Variants in MAML3 observed in about 807,000 individuals in gnomAD.
The protein encoded by MAML3 is mastermind like transcriptional coactivator 3, also known as mastermind-like protein 3.
A neutral mutation model predicts 101.9 loss-of-function variants in MAML3; 27 were observed. The observed-to-expected ratio is 0.27, with a 90% CI of 0.20 to 0.37. MAML3 has a LOEUF of 0.37. MAML3 is among the 10% of genes least tolerant of loss of function. The pLI is 1.00. For synonymous variants in MAML3, 501 were observed against 555.9 expected, an observed-to-expected ratio of 0.90 and a Z score of 1.39; for missense variants, 1,316 against 1,444.9, an observed-to-expected ratio of 0.91 and a Z score of 1.45.
chr4:139,960,989 A>G (rs1246879720), intron 1 of MAML3, among the ~76,000 whole-genome samples: 1 of 152,142 alleles, frequency 6.6e-6, no homozygotes, highest in Admixed American at 6.5e-5. Context: ...GACCCAGGAG[A>G]TAGCTCTGTT....
rs68031317 is a variant in MAML3, at chr4:140,091,547, AC to A, written c.468+61312del. 2.2e-3 allele frequency among the ~76,000 whole-genome samples: 305 copies of A among 140,852 alleles called. 10 individuals are homozygous for A. The highest frequency in any genetic ancestry group is 6.8e-3 in the African/African-American group (243 of 35,942). 92.4% of individuals were successfully genotyped at this position (140,852 alleles called of 152,430 possible). A position where few individuals can be genotyped will look rare whatever the true frequency, so the allele number is the denominator to read the frequency against. On this transcript the variant is annotated intron_variant, in intron 1 of 4. Transcript: ENST00000509479. ...AACAAAACAACAAAACAAAAACAAA[AC>A]AAAAAAAAAAAACAGGACCAAGGAC...
chr4:139,774,094 C>T (rs1458092310), intron 2 of MAML3, among the ~76,000 whole-genome samples: 1 of 152,186 alleles, frequency 6.6e-6, no homozygotes, highest in African/African-American at 2.4e-5. Flanking sequence ...GCCTGAGCCA[C>T]AGAAAAGAGC....
chr4:140,073,098 C>A (rs1024827940), intron 1 of MAML3, among the ~76,000 whole-genome samples: 16 of 151,810 alleles, frequency 1.1e-4, no homozygotes, highest in Non-Finnish European at 1.5e-4. Context: ...ATCAACAAAT[C>A]TGCAACCATC....
intron 2 of MAML3, among the ~76,000 whole-genome samples, chr4:139,850,167 A>G (rs1294204447): frequency 6.6e-6 from 1 of 152,252 alleles, no homozygotes; most frequent in Non-Finnish European, 1.5e-5. Context: ...TAAAAAAAGA[A>G]AAGCAAGCAG....
chr4:140,045,688 T>A (rs1727172045), intron 1 of MAML3, among the ~76,000 whole-genome samples: 2 of 152,078 alleles, frequency 1.3e-5, no homozygotes, highest in Admixed American at 6.6e-5. Context: ...TAGAAAAAAA[T>A]TTATAAAACC....
chr4:139,797,428 G>C (rs568166613), intron 2 of MAML3, among the ~76,000 whole-genome samples: 1 of 152,282 alleles, frequency 6.6e-6, no homozygotes, highest in African/African-American at 2.4e-5. Flanking sequence ...ACAATGGGCT[G>C]AGTTTTTTTC....
At chr4:139,729,683 T>C (rs1375571324) in intron 3 of MAML3, among the ~76,000 whole-genome samples, 1 of 152,172 alleles carries the variant, frequency 6.6e-6, no homozygotes, top group Admixed American at 6.5e-5. Flanking sequence ...AAGTCAGGTA[T>C]GGGCATCTCT....
At position 140,152,737 on chromosome 4, in the gene MAML3, C is replaced by A. The variant is rs1729196623; in HGVS notation, c.468+123G>T. On this transcript the variant is annotated intron_variant, in intron 1 of 4. Coordinates refer to ENST00000509479, the MANE Select transcript of MAML3 (RefSeq NM_018717.5). The stretch of plus-strand genomic sequence containing the variant: ...AAAGTTGACGTTAACCCTTAGGCTT[C>A]AGCCCACCTCACCCACCGTGCAAAT... The A allele has an allele frequency of 2.1e-6, 3 of 1,456,088 alleles. No homozygotes were observed. In the East Asian group the frequency reaches 7.2e-5, roughly 35 times the overall value. 90.2% of individuals were successfully genotyped at this position (1,456,088 alleles called of 1,614,324 possible).
At chr4:140,002,017 A>C (rs941646747) in intron 1 of MAML3, among the ~76,000 whole-genome samples, 62 of 151,054 alleles carry the variant, frequency 4.1e-4, no homozygotes, top group Admixed American at 3.7e-3. Flanking sequence ...AAATTGAGCT[A>C]ATTAACATAT....
chr4:140,053,240 C>T (rs994465331), intron 1 of MAML3, among the ~76,000 whole-genome samples: 3 of 152,036 alleles, frequency 2.0e-5, no homozygotes, highest in Non-Finnish European at 4.4e-5. Context: ...TTCCAATATT[C>T]TTCATGTCTT....
chr4:139,784,987 T>C (rs892509501), intron 2 of MAML3, among the ~76,000 whole-genome samples: 2 of 152,236 alleles, frequency 1.3e-5, no homozygotes, highest in Non-Finnish European at 2.9e-5. Context: ...AATGGTACTA[T>C]GTACATACCT....
intron 2 of MAML3, among the ~76,000 whole-genome samples, chr4:139,869,959 A>G (rs1731971069): frequency 6.6e-6 from 1 of 152,242 alleles, no homozygotes; most frequent in African/African-American, 2.4e-5. Context: ...TTTGGATTCA[A>G]ATAGGCTTTG....
At chr4:139,825,556 G>C (rs967525477) in intron 2 of MAML3, among the ~76,000 whole-genome samples, 1 of 152,178 alleles carries the variant, frequency 6.6e-6, no homozygotes, top group Non-Finnish European at 1.5e-5. Flanking sequence ...TGGGTGGCAG[G>C]AGGCAGAGCC....
At chr4:139,973,092 T>C (rs1291125921) in intron 1 of MAML3, among the ~76,000 whole-genome samples, 1 of 152,200 alleles carries the variant, frequency 6.6e-6, no homozygotes, top group Non-Finnish European at 1.5e-5. Flanking sequence ...CTACTTAGAG[T>C]AAGAATCCAG....
intron 1 of MAML3, among the ~76,000 whole-genome samples, chr4:139,945,824 C>G (rs1012173846): frequency 6.6e-6 from 1 of 152,112 alleles, no homozygotes; most frequent in East Asian, 1.9e-4. Context: ...GTACATCATA[C>G]GAAGGCATTT....
At chr4:139,801,046 A>G (rs2111102258) in intron 2 of MAML3, among the ~76,000 whole-genome samples, 1 of 152,354 alleles carries the variant, frequency 6.6e-6, no homozygotes, top group Admixed American at 6.5e-5. Flanking sequence ...GGACTGACAG[A>G]TCCAGTTGGA....
At chr4:139,946,925 A>ACACACACACT (rs1335985003) in intron 1 of MAML3, among the ~76,000 whole-genome samples, 12 of 68,132 alleles carry the variant, frequency 1.8e-4, no homozygotes, top group African/African-American at 5.3e-4. Context: ...ACACACACAC[A>ACACACACACT]CTCTCTCTCT....
intron 2 of MAML3, among the ~76,000 whole-genome samples, chr4:139,746,871 A>C (rs1336929265): frequency 6.6e-6 from 1 of 152,186 alleles, no homozygotes; most frequent in African/African-American, 2.4e-5. Flanking sequence ...AAAGGTAATA[A>C]AAAGCCTAGG....
chr4:139,942,648 C>T (rs1241661262), intron 1 of MAML3, among the ~76,000 whole-genome samples: 5 of 150,304 alleles, frequency 3.3e-5, no homozygotes, highest in African/African-American at 1.2e-4. Context: ...TTTTTTTTGC[C>T]AAACTATGTC....
Sources: gnomAD v4.1 joint callset for allele counts (sites outside exome capture counted in the v4.1 genomes callset) on GRCh38, gnomAD v4.1.1 for gene constraint, MANE v1.5 for transcripts, NCBI Gene and HGNC (gene_info 2026-07-23, HGNC 2026-07-21) for gene names.